The following KANSL1 variants were observed in gnomAD, a reference collection of about 807,000 sequenced individuals.
KANSL1 encodes MLL1/MLL complex subunit KANSL1.
Under a neutral mutation model 103.6 loss-of-function variants are expected in KANSL1, and 22 were observed. The ratio of observed to expected loss-of-function variants is 0.21; its 90% CI spans 0.15 to 0.30. The LOEUF (loss-of-function observed/expected upper bound fraction) is 0.30. Ranked by LOEUF, KANSL1 falls within the 10% of genes least tolerant of loss-of-function variation. The pLI, the probability that KANSL1 is intolerant of heterozygous loss-of-function variation, is 1.00. For missense variants in KANSL1, 1,337 were observed against 1,399.8 expected, an observed-to-expected ratio of 0.96 and a Z score of 0.72; for synonymous variants, 600 against 527.6, an observed-to-expected ratio of 1.14 and a Z score of -1.88.
intron 2 of KANSL1, among the ~76,000 whole-genome samples, chr17:46,131,180 C>T (rs1274112656): frequency 2.0e-5 from 3 of 152,220 alleles, no homozygotes; most frequent in African/African-American, 7.2e-5. Context: ...AGAAATTTTG[C>T]CTGGTTTTTA....
At chr17:46,079,695 A>G (rs939380343) in intron 4 of KANSL1, among the ~76,000 whole-genome samples, 1 of 152,202 alleles carries the variant, frequency 6.6e-6, no homozygotes, top group African/African-American at 2.4e-5. Context: ...AATTATGTCT[A>G]GGCTGGTGCA....
chr17:46,140,894 G>C (rs1445905041), intron 2 of KANSL1, among the ~76,000 whole-genome samples: 2 of 152,192 alleles, frequency 1.3e-5, no homozygotes, highest in South Asian at 2.1e-4. Context: ...AGAATGTGGA[G>C]AGAATGGAAC....
chr17:46,174,514 T>C (rs2046429610), intron 1 of KANSL1, among the ~76,000 whole-genome samples: 1 of 152,256 alleles, frequency 6.6e-6, no homozygotes, highest in Non-Finnish European at 1.5e-5. Flanking sequence ...ATTTCTGATT[T>C]AACAGACTTG....
intron 2 of KANSL1, among the ~76,000 whole-genome samples, chr17:46,133,852 C>T (rs1348116275): frequency 1.3e-5 from 2 of 152,110 alleles, no homozygotes; most frequent in Non-Finnish European, 2.9e-5. Context: ...AATGTCAATA[C>T]AAGGATATCA....
At chr17:46,063,335 T>C (rs890535139) in intron 6 of KANSL1, among the ~76,000 whole-genome samples, 1 of 152,196 alleles carries the variant, frequency 6.6e-6, no homozygotes, top group African/African-American at 2.4e-5. Context: ...CCCTGAATAA[T>C]ACGGTGGGCA....
chr17:46,048,530 G>A (rs2146461550), intron 7 of KANSL1, among the ~76,000 whole-genome samples: 1 of 152,242 alleles, frequency 6.6e-6, no homozygotes, highest in East Asian at 1.9e-4. Flanking sequence ...TCACACCACT[G>A]CACTACAGCC....
chr17:46,186,153 A>C (rs1161016244), intron 1 of KANSL1, among the ~76,000 whole-genome samples: 4 of 151,908 alleles, frequency 2.6e-5, no homozygotes, highest in Non-Finnish European at 5.9e-5. Context: ...AGACGGGTGG[A>C]TCACAAGGTC....
chr17:46,179,650 G>C (rs2046687899), intron 1 of KANSL1, among the ~76,000 whole-genome samples: 1 of 152,208 alleles, frequency 6.6e-6, no homozygotes, highest in Admixed American at 6.5e-5. Context: ...TTGAAAATTA[G>C]CTAAAATGTC....
At chr17:46,062,393 T>C (rs1011732961) in intron 6 of KANSL1, among the ~76,000 whole-genome samples, 8 of 127,386 alleles carry the variant, frequency 6.3e-5, no homozygotes, top group African/African-American at 2.3e-4. Context: ...GGACTCTCAC[T>C]CTCTCACCAG....
intron 3 of KANSL1, among the ~76,000 whole-genome samples, chr17:46,089,626 A>AAAATATG (rs74276666): frequency 0.35 from 52,777 of 150,972 alleles, 9,548 homozygotes; most frequent in South Asian, 0.6. Context: ...TGCAGCATGG[A>AAAATATG]AAATATGAAC....
intron 2 of KANSL1, among the ~76,000 whole-genome samples, chr17:46,095,760 G>A (rs1265677730): frequency 6.6e-6 from 1 of 152,102 alleles, no homozygotes; most frequent in Admixed American, 6.5e-5. Flanking sequence ...CATTTTGGTG[G>A]AAGATATCTA....
intron 3 of KANSL1, among the ~76,000 whole-genome samples, chr17:46,082,818 A>G (rs1163522725): frequency 6.6e-6 from 1 of 152,176 alleles, no homozygotes; most frequent in Non-Finnish European, 1.5e-5. Flanking sequence ...CAGATATGAA[A>G]TCTTTACCAG....
chr17:46,183,543 A>G (rs972928301), intron 1 of KANSL1, among the ~76,000 whole-genome samples: 1 of 151,618 alleles, frequency 6.6e-6, no homozygotes, highest in African/African-American at 2.4e-5. Context: ...CTGTCTCAAA[A>G]GAAGGAAAAG....
intron 2 of KANSL1, among the ~76,000 whole-genome samples, chr17:46,105,656 C>G (rs1353782795): frequency 2.0e-4 from 29 of 143,942 alleles, no homozygotes; most frequent in Non-Finnish European, 7.9e-5. Flanking sequence ...ATCACTCGAG[C>G]TCAGGACTTC....
intron 6 of KANSL1, among the ~76,000 whole-genome samples, chr17:46,062,103 A>AC (rs1272777319): frequency 3.2e-5 from 2 of 62,660 alleles, no homozygotes; most frequent in African/African-American, 6.1e-5. Flanking sequence ...AAAAAAAAAA[A>AC]AAAAAACAAA....
chr17:46,066,319 A>G (rs2078374526), intron 6 of KANSL1, among the ~76,000 whole-genome samples: 1 of 152,234 alleles, frequency 6.6e-6, no homozygotes, highest in Non-Finnish European at 1.5e-5. Flanking sequence ...TTTCAAAACT[A>G]GCTGCAGAGT....
intron 1 of KANSL1, among the ~76,000 whole-genome samples, chr17:46,187,114 T>C (rs1213366133): frequency 6.6e-6 from 1 of 152,240 alleles, no homozygotes; most frequent in East Asian, 1.9e-4. Flanking sequence ...CCTCTTTCCC[T>C]TCACACCCTC....
chr17:46,065,569 T>A (rs1335073023), intron 6 of KANSL1, among the ~76,000 whole-genome samples: 1 of 152,122 alleles, frequency 6.6e-6, no homozygotes, highest in Non-Finnish European at 1.5e-5. Context: ...CCCTATGAGA[T>A]CTCTGAGGCT....
chr17:46,039,429 A>T (rs192195370), intron 8 of KANSL1: 1 of 603,528 alleles, frequency 1.7e-6, no homozygotes. Flanking sequence ...GATACAGAAG[A>T]CACCTGCCCG....
Sources: gnomAD v4.1 joint callset for allele counts (sites outside exome capture counted in the v4.1 genomes callset) on GRCh38, gnomAD v4.1.1 for gene constraint, MANE v1.5 for transcripts, NCBI Gene and HGNC (gene_info 2026-07-23, HGNC 2026-07-21) for gene names.